The following RBP2 variants were observed in gnomAD, a reference collection of about 807,000 sequenced individuals.
RBP2 encodes retinol-binding protein 2.
Under a neutral mutation model 17.0 loss-of-function variants are expected in RBP2, and 17 were observed. The observed-to-expected ratio is 1.00, with a 90% CI of 0.68 to 1.50. RBP2 has a LOEUF of 1.50. Ranked by LOEUF, RBP2 falls within the 40% of genes most tolerant of loss-of-function variation. The pLI, the probability that RBP2 is intolerant of heterozygous loss-of-function variation, is 0.00. For synonymous variants in RBP2, 48 were observed against 57.1 expected, an observed-to-expected ratio of 0.84 and a Z score of 0.72; for missense variants, 158 against 168.2, an observed-to-expected ratio of 0.94 and a Z score of 0.33.
intron 2 of RBP2, among the ~76,000 whole-genome samples, chr3:139,455,449 G>T (rs1202245891): frequency 8.5e-5 from 13 of 152,178 alleles, no homozygotes. Context: ...AAAGATCAAA[G>T]AGTTTGATAA....
intron 2 of RBP2, among the ~76,000 whole-genome samples, chr3:139,459,560 T>C (rs1576421462): frequency 6.7e-6 from 1 of 149,968 alleles, no homozygotes; most frequent in South Asian, 2.1e-4. Context: ...GAGGTGGAGG[T>C]TGCAATGAGC....
At chr3:139,462,839 G>T (rs1165375727) in intron 1 of RBP2, among the ~76,000 whole-genome samples, 2 of 151,962 alleles carry the variant, frequency 1.3e-5, no homozygotes, top group Admixed American at 1.3e-4. Context: ...TTTGTTTTTT[G>T]TTTTGTTTTT....
At chr3:139,456,116 C>T (rs997311944) in intron 2 of RBP2, among the ~76,000 whole-genome samples, 10 of 152,240 alleles carry the variant, frequency 6.6e-5, no homozygotes, top group South Asian at 4.2e-4. Flanking sequence ...TGTTCTTCTT[C>T]GGGGATGACC....
intron 1 of RBP2, chr3:139,466,366 A>C (rs1269890175): frequency 6.6e-6 from 1 of 152,160 alleles, no homozygotes; most frequent in Non-Finnish European, 1.5e-5. Context: ...TTCTCTCTTC[A>C]AGGTAACTGC....
intron 2 of RBP2, among the ~76,000 whole-genome samples, chr3:139,458,940 A>G (rs1933079807): frequency 6.6e-6 from 1 of 152,190 alleles, no homozygotes; most frequent in Non-Finnish European, 1.5e-5. Context: ...GGGAATACAT[A>G]GAACCCACAG....
chr3:139,466,271 A>G (rs1167007796), intron 1 of RBP2, among the ~76,000 whole-genome samples: 4 of 152,142 alleles, frequency 2.6e-5, no homozygotes, highest in African/African-American at 9.7e-5. Context: ...GTCCCGACAC[A>G]ACTTACTATG....
intron 2 of RBP2, among the ~76,000 whole-genome samples, chr3:139,461,080 G>T (rs1933171278): frequency 6.6e-6 from 1 of 152,110 alleles, no homozygotes; most frequent in South Asian, 2.1e-4. Flanking sequence ...TGTTTGGTGG[G>T]GACTGACCAG....
intron 1 of RBP2, among the ~76,000 whole-genome samples, chr3:139,468,124 T>G (rs961619887): frequency 2.0e-5 from 3 of 152,128 alleles, no homozygotes; most frequent in African/African-American, 7.2e-5. Context: ...AAGGAATAAT[T>G]GAAAATCTAC....
intron 1 of RBP2, among the ~76,000 whole-genome samples, chr3:139,470,865 G>T (rs375170416): frequency 1.3e-5 from 2 of 152,140 alleles, no homozygotes; most frequent in South Asian, 4.2e-4. Context: ...GGGATTACAG[G>T]TGTGAGCCAT....
chr3:139,453,254 G>A, intron 3 of RBP2, 88 bp from the exon 4 acceptor site: 5 of 1,477,826 alleles, frequency 3.4e-6, no homozygotes, highest in Non-Finnish European at 4.7e-6. Context: ...GGGGGTGGGA[G>A]GTTGGAATAA....
chr3:139,457,848 C>A (rs973055183), intron 2 of RBP2, among the ~76,000 whole-genome samples: 1 of 152,172 alleles, frequency 6.6e-6, no homozygotes, highest in South Asian at 2.1e-4. Context: ...GAAACCTGGG[C>A]TCCCACCATG....
intron 2 of RBP2, among the ~76,000 whole-genome samples, chr3:139,458,009 A>G (rs1006195119): frequency 3.3e-5 from 5 of 152,392 alleles, no homozygotes; most frequent in African/African-American, 1.2e-4. Flanking sequence ...TAGGAAATAC[A>G]TACGGAAGTA....
intron 1 of RBP2, among the ~76,000 whole-genome samples, chr3:139,476,006 T>C (rs1933726387): frequency 6.6e-6 from 1 of 152,174 alleles, no homozygotes; most frequent in African/African-American, 2.4e-5. Context: ...CAGAGGTCAT[T>C]GGTGGATAAT....
intron 2 of RBP2, among the ~76,000 whole-genome samples, chr3:139,460,582 A>T (rs1338686706): frequency 6.6e-6 from 1 of 152,030 alleles, no homozygotes; most frequent in Non-Finnish European, 1.5e-5. Context: ...GCTTGTGCCC[A>T]TTGCTTTCGG....
At chr3:139,472,064 G>T (rs1269233385) in intron 1 of RBP2, among the ~76,000 whole-genome samples, 1 of 152,122 alleles carries the variant, frequency 6.6e-6, no homozygotes, top group Non-Finnish European at 1.5e-5. Context: ...CCAGGCCCAT[G>T]CCTGTGCACA....
chr3:139,465,527 C>G (rs1933327892), intron 1 of RBP2, among the ~76,000 whole-genome samples: 1 of 152,178 alleles, frequency 6.6e-6, no homozygotes, highest in African/African-American at 2.4e-5. Context: ...GGTACTTGAA[C>G]TTAGGATGAT....
chr3:139,461,817 C>T (rs1933199585), intron 2 of RBP2, among the ~76,000 whole-genome samples: 1 of 152,176 alleles, frequency 6.6e-6, no homozygotes, highest in African/African-American at 2.4e-5. Context: ...TGCTGTCCCT[C>T]CCTGTGATGT....
chr3:139,472,238 A>G (rs1373079792), intron 1 of RBP2, among the ~76,000 whole-genome samples: 1 of 152,202 alleles, frequency 6.6e-6, no homozygotes, highest in African/African-American at 2.4e-5. Flanking sequence ...ATTGATACCC[A>G]TAGCCCCTTT....
chr3:139,472,378 TGGG>T (rs2107883794), intron 1 of RBP2, among the ~76,000 whole-genome samples: 1 of 152,322 alleles, frequency 6.6e-6, no homozygotes, highest in East Asian at 1.9e-4. Context: ...CACTGAGAGG[TGGG>T]GTCTATGTCC....
Sources: allele counts gnomAD v4.1 joint callset (sites outside exome capture counted in the v4.1 genomes callset), GRCh38; gene constraint gnomAD v4.1.1; transcripts MANE v1.5; gene names NCBI Gene and HGNC (gene_info 2026-07-23, HGNC 2026-07-21).